GPC5: variants seen among roughly 807,000 people sequenced by gnomAD.
GPC5 encodes the protein glypican 5.
In GPC5, 47 loss-of-function variants were observed where a neutral mutation model predicts 53.9. That is an observed-to-expected ratio of 0.87 (90% CI 0.69 to 1.11). GPC5 has a LOEUF of 1.11. Among genes scored for constraint, GPC5 ranks in the 50% most tolerant of loss-of-function variants. The pLI is 0.00. For missense variants in GPC5, 748 were observed against 713.1 expected, an observed-to-expected ratio of 1.05 and a Z score of -0.56; for synonymous variants, 286 against 263.3, an observed-to-expected ratio of 1.09 and a Z score of -0.84.
chr13:91,984,424 A>G (rs767247000), intron 6 of GPC5, among the ~76,000 whole-genome samples: 19 of 152,190 alleles, frequency 1.2e-4, no homozygotes, highest in Non-Finnish European at 2.1e-4. Flanking sequence ...ACTTCGGGCT[A>G]TAGTCCCTGA....
intron 2 of GPC5, among the ~76,000 whole-genome samples, chr13:91,515,661 C>T (rs1166815700): frequency 2.0e-5 from 3 of 152,152 alleles, no homozygotes; most frequent in African/African-American, 4.8e-5. Flanking sequence ...ATTATGATGG[C>T]ATTTAGACCC....
intron 1 of GPC5, among the ~76,000 whole-genome samples, chr13:91,446,023 T>G (rs941833744): frequency 1.3e-5 from 2 of 152,190 alleles, no homozygotes; most frequent in Non-Finnish European, 2.9e-5. Context: ...TGTGAAGATC[T>G]TGTGCCTATT....
intron 5 of GPC5, among the ~76,000 whole-genome samples, chr13:91,880,178 T>A (rs2039248961): frequency 6.6e-6 from 1 of 152,160 alleles, no homozygotes. Flanking sequence ...TTAACATTTT[T>A]AAAATTAAAT....
At chr13:91,906,378 A>T (rs1216778402) in intron 5 of GPC5, among the ~76,000 whole-genome samples, 1 of 152,002 alleles carries the variant, frequency 6.6e-6, no homozygotes, top group East Asian at 1.9e-4. Flanking sequence ...CATATCCAGA[A>T]TGTCTACTAC....
intron 7 of GPC5, among the ~76,000 whole-genome samples, chr13:92,192,983 T>C (rs973082753): frequency 6.6e-6 from 1 of 152,276 alleles, no homozygotes; most frequent in African/African-American, 2.4e-5. Flanking sequence ...GAGACCAGCC[T>C]GGCCAACATA....
At chr13:91,614,794 A>C (rs2033651917) in intron 2 of GPC5, among the ~76,000 whole-genome samples, 1 of 152,194 alleles carries the variant, frequency 6.6e-6, no homozygotes, top group Non-Finnish European at 1.5e-5. Context: ...TATAATGGCA[A>C]ATTTCGAATA....
At chr13:91,861,014 TG>T (rs2039021790) in intron 5 of GPC5, among the ~76,000 whole-genome samples, 1 of 152,230 alleles carries the variant, frequency 6.6e-6, no homozygotes, top group Admixed American at 6.5e-5. Flanking sequence ...TACAACTATT[TG>T]GGGGTTTCCT....
chr13:92,188,589 A>T (rs1425056422), intron 7 of GPC5, among the ~76,000 whole-genome samples: 1 of 152,242 alleles, frequency 6.6e-6, no homozygotes, highest in African/African-American at 2.4e-5. Flanking sequence ...TATGATGCTC[A>T]TTGTTTAAAT....
At chr13:92,087,724 G>A (rs2041346982) in intron 6 of GPC5, among the ~76,000 whole-genome samples, 1 of 151,830 alleles carries the variant, frequency 6.6e-6, no homozygotes, top group African/African-American at 2.4e-5. Context: ...TTCCCCATTT[G>A]TTATTGTGTC....
intron 6 of GPC5, among the ~76,000 whole-genome samples, chr13:92,010,840 G>T (rs1350117285): frequency 6.6e-6 from 1 of 152,204 alleles, no homozygotes; most frequent in Non-Finnish European, 1.5e-5. Context: ...TTTCGGAATT[G>T]TGATAAAATA....
intron 6 of GPC5, among the ~76,000 whole-genome samples, chr13:91,944,358 A>C (rs912466839): frequency 1.1e-4 from 16 of 151,960 alleles, no homozygotes; most frequent in African/African-American, 3.9e-4. Context: ...AGCCTCCCAA[A>C]GTTCTGGGAT....
intron 7 of GPC5, among the ~76,000 whole-genome samples, chr13:92,809,824 C>A (rs1296275912): frequency 6.6e-6 from 1 of 151,954 alleles, no homozygotes; most frequent in African/African-American, 2.4e-5. Context: ...ATATGAAAGT[C>A]CACCATTATA....
At chr13:91,496,442 C>G (rs1032891367) in intron 2 of GPC5, among the ~76,000 whole-genome samples, 7 of 152,148 alleles carry the variant, frequency 4.6e-5, no homozygotes, top group Non-Finnish European at 8.8e-5. Context: ...GAGCACTATT[C>G]AACCATAAAA....
At chr13:92,865,816 C>G (rs1045423645) in intron 7 of GPC5, among the ~76,000 whole-genome samples, 10 of 151,968 alleles carry the variant, frequency 6.6e-5, no homozygotes, top group Non-Finnish European at 1.2e-4. Flanking sequence ...AGATCTTAGG[C>G]CTACTTTATT....
At chr13:92,393,988 G>A (rs1875142722) in intron 7 of GPC5, among the ~76,000 whole-genome samples, 1 of 151,924 alleles carries the variant, frequency 6.6e-6, no homozygotes, top group South Asian at 2.1e-4. Context: ...TGTAGTAGAG[G>A]CTTTCTGTCC....
At chr13:91,846,960 C>A (rs1002516648) in intron 5 of GPC5, among the ~76,000 whole-genome samples, 1 of 152,066 alleles carries the variant, frequency 6.6e-6, no homozygotes, top group Admixed American at 6.6e-5. Flanking sequence ...TGGCTCACTC[C>A]TGTAATCCCA....
intron 1 of GPC5, among the ~76,000 whole-genome samples, chr13:91,432,460 A>G (rs1247320836): frequency 2.6e-5 from 4 of 152,182 alleles, no homozygotes; most frequent in Non-Finnish European, 5.9e-5. Flanking sequence ...ATGAACATTA[A>G]TCAACCATTG....
intron 7 of GPC5, among the ~76,000 whole-genome samples, chr13:92,404,840 T>G (rs1345643685): frequency 1.3e-5 from 2 of 149,970 alleles, no homozygotes; most frequent in African/African-American, 4.9e-5. Context: ...ATGATCATCT[T>G]AAATTATTTA....
chr13:91,884,790 C>T (rs1045827299), intron 5 of GPC5, among the ~76,000 whole-genome samples: 2 of 152,146 alleles, frequency 1.3e-5, no homozygotes, highest in Non-Finnish European at 2.9e-5. Flanking sequence ...AGAATCTGGA[C>T]ATTTTGAGTA....
Sources: allele counts gnomAD v4.1 joint callset (sites outside exome capture counted in the v4.1 genomes callset), GRCh38; gene constraint gnomAD v4.1.1; transcripts MANE v1.5; gene names NCBI Gene and HGNC (gene_info 2026-07-23, HGNC 2026-07-21).